Variants in HERC3 observed in about 807,000 individuals in gnomAD.
The protein encoded by HERC3 is HECT and RLD domain containing E3 ubiquitin protein ligase 3.
HERC3 carries 58 observed loss-of-function variants against 129.9 expected under a neutral mutation model. That is an observed-to-expected ratio of 0.45 (90% confidence interval 0.36 to 0.56). The LOEUF is 0.56. Ranked by LOEUF, HERC3 falls within the 20% of genes least tolerant of loss-of-function variation. HERC3 has a pLI of 0.00. For synonymous variants in HERC3, 430 were observed against 451.0 expected (o/e 0.95, Z 0.59); for missense variants, 835 against 1,244.2 (o/e 0.67, Z 4.95).
chr4:88,581,691 A>G, the HERC3 span, among the ~76,000 whole-genome samples: 2 of 152,192 alleles, frequency 1.3e-5, no homozygotes, highest in African/African-American at 4.8e-5. Context: ...GGCCCAAGTG[A>G]TCTGCCTGCC....
At chr4:88,629,629 T>C (rs1378169371) in intron 3 of HERC3, among the ~76,000 whole-genome samples, 1 of 152,240 alleles carries the variant, frequency 6.6e-6, no homozygotes, top group Non-Finnish European at 1.5e-5. Flanking sequence ...ATGCCAGCCT[T>C]AAAGTTTGTA....
At chr4:88,692,944 C>T in intron 23 of HERC3, 1 of 985,178 alleles carries the variant, frequency 1.0e-6, no homozygotes, top group African/African-American at 1.7e-5. Context: ...TCGTTTCAGG[C>T]TGACTAGGTA....
chr4:88,568,407 T>C, the HERC3 span, among the ~76,000 whole-genome samples: 2 of 152,200 alleles, frequency 1.3e-5, no homozygotes, highest in African/African-American at 4.8e-5. Flanking sequence ...AGAAATGTCA[T>C]CCATGAGCCA....
chr4:88,601,552 A>G (rs3822083), intron 2 of HERC3, among the ~76,000 whole-genome samples: 5,685 of 152,280 alleles, frequency 0.037, 334 homozygotes, highest in East Asian at 0.27. Flanking sequence ...GTGTTCGCCT[A>G]GTATTATAAT....
intron 3 of HERC3, among the ~76,000 whole-genome samples, chr4:88,617,651 C>T (rs1725060789): frequency 6.6e-6 from 1 of 152,068 alleles, no homozygotes; most frequent in Admixed American, 6.5e-5. Context: ...GCAGGTGGAT[C>T]ATGAGGTCAG....
chr4:88,594,587 G>A (rs1722134718), intron 1 of HERC3, among the ~76,000 whole-genome samples: 1 of 152,060 alleles, frequency 6.6e-6, no homozygotes, highest in Non-Finnish European at 1.5e-5. Flanking sequence ...GTAGTTTTTG[G>A]TTTCGCCAAA....
chr4:88,529,279 C>T, the HERC3 span, among the ~76,000 whole-genome samples: 5 of 152,038 alleles, frequency 3.3e-5, no homozygotes, highest in African/African-American at 7.2e-5. Flanking sequence ...GACTGAGCAA[C>T]TTAGCAAGAC....
chr4:88,699,338 C>CCCCACCCTCTTCTTCCCCACCCTG, intron 23 of HERC3, among the ~76,000 whole-genome samples: 1 of 40,696 alleles, frequency 2.5e-5, no homozygotes, highest in African/African-American at 4.6e-4. Flanking sequence ...ACCCACGCAG[C>CCCCACCCTCTTCTTCCCCACCCTG]CCCACCCTCT....
chr4:88,612,407 C>G (rs936795114), intron 3 of HERC3, among the ~76,000 whole-genome samples: 1 of 151,746 alleles, frequency 6.6e-6, no homozygotes, highest in Admixed American at 6.6e-5. Flanking sequence ...CCCAGTGTGT[C>G]AGGCAGCACA....
intron 10 of HERC3, among the ~76,000 whole-genome samples, chr4:88,659,893 G>A (rs1730308147): frequency 6.6e-6 from 1 of 152,030 alleles, no homozygotes; most frequent in Non-Finnish European, 1.5e-5. Context: ...AACACCTTGG[G>A]CCTGGAAAAC....
chr4:88,676,603 A>G (rs1406439091), intron 18 of HERC3, among the ~76,000 whole-genome samples, 180 bp downstream of exon 18: 1 of 152,188 alleles, frequency 6.6e-6, no homozygotes, highest in Non-Finnish European at 1.5e-5. Flanking sequence ...GTGAATACAC[A>G]TTTGTGTAGA....
chr4:88,575,518 CA>C, the HERC3 span, among the ~76,000 whole-genome samples: 10 of 152,212 alleles, frequency 6.6e-5, no homozygotes, highest in Non-Finnish European at 1.3e-4. Context: ...CTCTCTACAA[CA>C]ATAGAATTTA....
intron 23 of HERC3, among the ~76,000 whole-genome samples, chr4:88,699,427 C>T (rs1455782334): frequency 7.4e-6 from 1 of 134,876 alleles, no homozygotes; most frequent in African/African-American, 3.0e-5. Context: ...TCACCACCTT[C>T]CCCCAACCGT....
At chr4:88,582,338 T>C in the HERC3 span, among the ~76,000 whole-genome samples, 2 of 152,296 alleles carry the variant, frequency 1.3e-5, no homozygotes, top group South Asian at 2.1e-4. Flanking sequence ...GTCCTCTCCA[T>C]AGACAATGTT....
the HERC3 span, among the ~76,000 whole-genome samples, chr4:88,547,865 A>T: frequency 4.6e-4 from 70 of 152,308 alleles, no homozygotes; most frequent in African/African-American, 1.6e-3. Flanking sequence ...CACGTTAGCC[A>T]GGCTGGTGTC....
At chr4:88,532,481 T>C in the HERC3 span, among the ~76,000 whole-genome samples, 1 of 152,220 alleles carries the variant, frequency 6.6e-6, no homozygotes, top group Non-Finnish European at 1.5e-5. Context: ...CTTTTTATTC[T>C]ATTCAGGCTC....
chr4:88,683,401 A>G (rs1041808459), intron 21 of HERC3, among the ~76,000 whole-genome samples: 3 of 152,204 alleles, frequency 2.0e-5, no homozygotes, highest in Non-Finnish European at 2.9e-5. Context: ...GAGTGGAAGA[A>G]AAAACTTAGA....
At chr4:88,526,283 T>C in the HERC3 span, among the ~76,000 whole-genome samples, 1 of 152,192 alleles carries the variant, frequency 6.6e-6, no homozygotes, top group Non-Finnish European at 1.5e-5. Flanking sequence ...ATCACACACA[T>C]GAAGTTAGAA....
Position 88,676,378 on chromosome 4 carries a change from A to G in HERC3, c.1980A>G (p.Gln660=). ...LCSYPFIFDA[Q]AKTKMLQTDA... ...CCTACCCTTTCATCTTTGATGCCCAAGCCAAGACCAAAATGTTACAGACAG... is the reference window on the plus strand; with the variant it reads ...CCTACCCTTTCATCTTTGATGCCCAGGCCAAGACCAAAATGTTACAGACAG... The change falls in exon 18 of 26, where the codon CAA becomes CAG. Residue 660 remains glutamine, a synonymous_variant. Coordinates refer to ENST00000402738, the MANE Select transcript of HERC3 (RefSeq NM_014606.3). 1 of 1,613,060 alleles carries G rather than the reference A, an allele frequency of 6.2e-7. No homozygotes were observed.
Sources: allele counts gnomAD v4.1 joint callset (sites outside exome capture counted in the v4.1 genomes callset), GRCh38; gene constraint gnomAD v4.1.1; transcripts MANE v1.5; gene names NCBI Gene and HGNC (gene_info 2026-07-23, HGNC 2026-07-21).